POU6F2: variants seen among roughly 807,000 people sequenced by gnomAD.
POU6F2 encodes the protein POU domain, class 6, transcription factor 2.
A neutral mutation model predicts 71.3 loss-of-function variants in POU6F2; 31 were observed. The observed-to-expected ratio is 0.43, with a 90% CI of 0.33 to 0.59. POU6F2 has a LOEUF of 0.59. POU6F2 is among the 20% of genes least tolerant of loss of function. POU6F2 has a pLI of 0.04. For synonymous variants in POU6F2, 347 were observed against 355.7 expected (o/e 0.98, Z 0.27); for missense variants, 783 against 856.8 (o/e 0.91, Z 1.07).
intron 5 of POU6F2, among the ~76,000 whole-genome samples, chr7:39,382,815 G>T (rs1293858316): frequency 6.6e-6 from 1 of 152,142 alleles, no homozygotes; most frequent in Non-Finnish European, 1.5e-5. Flanking sequence ...CTCAGGTGGA[G>T]ATCCTCAAAC....
At chr7:39,044,949 G>A (rs375998730) in intron 1 of POU6F2, among the ~76,000 whole-genome samples, 1 of 151,856 alleles carries the variant, frequency 6.6e-6, no homozygotes, top group East Asian at 1.9e-4. Context: ...CAGGGGCATG[G>A]TTTGGTCCCT....
At chr7:39,134,130 T>C (rs966849174) in intron 2 of POU6F2, among the ~76,000 whole-genome samples, 10 of 152,192 alleles carry the variant, frequency 6.6e-5, no homozygotes, top group African/African-American at 2.4e-4. Flanking sequence ...CCTGCCTTTG[T>C]CGTCCAAAAT....
intron 2 of POU6F2, among the ~76,000 whole-genome samples, chr7:39,196,040 A>G (rs1191085019): frequency 2.0e-5 from 3 of 152,216 alleles, no homozygotes; most frequent in African/African-American, 7.2e-5. Context: ...CTGTTTTACT[A>G]TAGGTAGGTA....
chr7:39,432,514 C>G (rs1788127209), intron 6 of POU6F2, among the ~76,000 whole-genome samples: 1 of 152,156 alleles, frequency 6.6e-6, no homozygotes, highest in Non-Finnish European at 1.5e-5. Flanking sequence ...TCTCCAGAGC[C>G]CAGACTCTCC....
At chr7:39,293,402 C>T (rs1297552874) in intron 4 of POU6F2, among the ~76,000 whole-genome samples, 1 of 152,170 alleles carries the variant, frequency 6.6e-6, no homozygotes, top group Non-Finnish European at 1.5e-5. Context: ...TGAAGCGCTG[C>T]GGTAGAAAGA....
At chr7:39,136,022 T>C (rs1792381685) in intron 2 of POU6F2, among the ~76,000 whole-genome samples, 1 of 152,174 alleles carries the variant, frequency 6.6e-6, no homozygotes, top group South Asian at 2.1e-4. Context: ...ACTACAACTA[T>C]GAATTACCAA....
chr7:39,248,900 T>C (rs1783867546), intron 4 of POU6F2, among the ~76,000 whole-genome samples: 1 of 152,148 alleles, frequency 6.6e-6, no homozygotes, highest in East Asian at 1.9e-4. Context: ...CAATAGCATT[T>C]CTCACACTGC....
chr7:39,017,897 C>G (rs1468971208), intron 1 of POU6F2, among the ~76,000 whole-genome samples: 1 of 149,092 alleles, frequency 6.7e-6, no homozygotes, highest in Non-Finnish European at 1.5e-5. Flanking sequence ...TTTATTGATT[C>G]TTCTGCATTT....
intron 4 of POU6F2, chr7:39,328,989 A>C (rs985529691): frequency 6.4e-6 from 1 of 155,844 alleles, no homozygotes; most frequent in African/African-American, 2.4e-5. Flanking sequence ...ATATTTAGAT[A>C]TACTAGACAG....
intron 1 of POU6F2, among the ~76,000 whole-genome samples, chr7:39,081,703 T>C (rs188564492): frequency 7.2e-5 from 11 of 152,332 alleles, no homozygotes; most frequent in African/African-American, 2.6e-4. Flanking sequence ...AGAGCTGTTT[T>C]GTTCCTACAT....
In POU6F2 at chr7:39,467,042, C is replaced by T. The variant is rs1401621351; in HGVS notation, c.*2356C>T. 2 of 152,162 alleles carry T rather than the reference C, an allele frequency of 1.3e-5. No homozygotes were observed. Among genetic ancestry groups the T allele is most frequent in the African/African-American group, 4.8e-5 (2 of 41,432 alleles). 9.4% of individuals were successfully genotyped at this position (152,162 alleles called of 1,614,324 possible). A position where few individuals can be genotyped will look rare whatever the true frequency, so the allele number is the denominator to read the frequency against. ...CGGCAGCGGTTACATAAGGCCTGCT[C>T]AGTTCTGAGATCTATAATTGGGAGG... On this transcript the variant is annotated 3_prime_UTR_variant, in exon 10 of 10. Coordinates refer to ENST00000518318, the MANE Select transcript of POU6F2 (RefSeq NM_001370959.1).
chr7:39,358,701 G>A (rs992438799), intron 5 of POU6F2, among the ~76,000 whole-genome samples: 2 of 152,132 alleles, frequency 1.3e-5, no homozygotes, highest in African/African-American at 4.8e-5. Context: ...TTAACAGAAA[G>A]ATTGAGTAAC....
At chr7:39,165,359 A>G (rs947855580) in intron 2 of POU6F2, among the ~76,000 whole-genome samples, 5 of 152,176 alleles carry the variant, frequency 3.3e-5, no homozygotes, top group African/African-American at 1.2e-4. Flanking sequence ...TTGAAACTAG[A>G]CCAACTATGA....
intron 5 of POU6F2, among the ~76,000 whole-genome samples, chr7:39,363,888 TAAAAG>T (rs1166226651): frequency 1.3e-5 from 2 of 151,962 alleles, no homozygotes; most frequent in Non-Finnish European, 2.9e-5. Context: ...CAAAAAGAAA[TAAAAG>T]AAGAATTGGA....
chr7:39,406,473 G>A lies in POU6F2; in HGVS notation c.973-127G>A, dbSNP rs906400025. 27 of 1,091,042 alleles carry A rather than the reference G, an allele frequency of 2.5e-5. No individual in the cohort carries two copies. In the African/African-American group the frequency reaches 4.2e-4, roughly 17 times the overall value. The allele number at this position is 1,091,042 out of a possible 1,614,324, so 67.6% of individuals were successfully genotyped here. On this transcript the variant is annotated intron_variant, in intron 5 of 9. Transcript: ENST00000518318. The stretch of plus-strand genomic sequence containing the variant: ...GGGGGAATGTTCGCCACGCCCCTCC[G>A]GTGGGTTCCAGGCCCTTTGCATGAG...
intron 4 of POU6F2, among the ~76,000 whole-genome samples, chr7:39,298,915 C>A (rs189644345): frequency 6.6e-6 from 1 of 152,230 alleles, no homozygotes; most frequent in Non-Finnish European, 1.5e-5. Context: ...AGCAGAAAAC[C>A]AAACACCACA....
At position 39,085,944 on chromosome 7, in the gene POU6F2, G is replaced by A; in HGVS notation, c.190G>A (p.Ala64Thr). Reference protein sequence around the residue: ...MNAELRGEDKAATSDSELNEP... With the variant: ...MNAELRGEDKTATSDSELNEP... Reference sequence around the variant, plus strand: ...TGCGGAGTTGAGAGGTGAGGACAAGGCTGCTACTTCAGACAGCGAGCTGAA... The same window carrying A: ...TGCGGAGTTGAGAGGTGAGGACAAGACTGCTACTTCAGACAGCGAGCTGAA... The change falls in exon 2 of 10, where the codon GCT becomes ACT. Residue 64 changes from alanine (A) to threonine (T), a missense_variant. By Grantham distance (58) the Ala-to-Thr change is moderately conservative. Around this residue, in one of 2 missense-constraint regions of POU6F2, gnomAD observed 572 missense variants for 572.9 expected, o/e 1.00. Transcript: ENST00000518318. 3.7e-6 allele frequency: 6 copies of A among 1,613,758 alleles called. No individual in the cohort carries two copies. Among genetic ancestry groups the A allele is most frequent in the Non-Finnish European group, 4.2e-6 (5 of 1,179,818 alleles).
chr7:39,145,782 T>G (rs1223315992), intron 2 of POU6F2, among the ~76,000 whole-genome samples: 1 of 152,184 alleles, frequency 6.6e-6, no homozygotes, highest in African/African-American at 2.4e-5. Context: ...TCTTATTGTA[T>G]TATGTTTTCT....
At chr7:39,163,072 T>A (rs1258551549) in intron 2 of POU6F2, among the ~76,000 whole-genome samples, 1 of 152,200 alleles carries the variant, frequency 6.6e-6, no homozygotes, top group Non-Finnish European at 1.5e-5. Context: ...ATTTAACCCC[T>A]TTCTCTTAAT....
Sources: allele counts gnomAD v4.1 joint callset (sites outside exome capture counted in the v4.1 genomes callset), GRCh38; gene constraint gnomAD v4.1.1; regional missense constraint gnomAD v4.1.1; transcripts MANE v1.5; gene names NCBI Gene and HGNC (gene_info 2026-07-23, HGNC 2026-07-21).